Variants in RPA3 observed in about 807,000 individuals in gnomAD.
The protein encoded by RPA3 is replication protein A 14 kDa subunit.
In RPA3, 24 loss-of-function variants were observed where a neutral mutation model predicts 13.7. The observed-to-expected ratio is 1.75, with a 90% CI of 1.27 to 2.46. The LOEUF (loss-of-function observed/expected upper bound fraction) is 2.46, where lower values mean the gene tolerates loss of function less well. Ranked by LOEUF, RPA3 falls within the 30% of genes most tolerant of loss-of-function variation. RPA3 has a pLI of 0.00. For synonymous variants in RPA3, 59 were observed against 51.2 expected, an observed-to-expected ratio of 1.15 and a Z score of -0.65; for missense variants, 183 against 151.0, an observed-to-expected ratio of 1.21 and a Z score of -1.11.
At chr7:7,682,246 C>G (rs971422208) in intron 4 of RPA3, among the ~76,000 whole-genome samples, 3 of 152,150 alleles carry the variant, frequency 2.0e-5, no homozygotes, top group African/African-American at 7.2e-5. Context: ...TAATTCACAG[C>G]AGCTTGGATT....
chr7:7,679,818 G>C (rs550379582), intron 4 of RPA3, among the ~76,000 whole-genome samples: 1 of 150,688 alleles, frequency 6.6e-6, no homozygotes, highest in Non-Finnish European at 1.5e-5. Context: ...TCCTGCCTCT[G>C]CCTCCCAAAG....
intron 2 of RPA3, among the ~76,000 whole-genome samples, chr7:7,695,117 T>A (rs1318513275): frequency 6.6e-6 from 1 of 152,210 alleles, no homozygotes; most frequent in Non-Finnish European, 1.5e-5. Context: ...GTAATTATGA[T>A]TTGCTTTCTC....
At chr7:7,657,178 A>G (rs768805713) in intron 4 of RPA3, among the ~76,000 whole-genome samples, 1 of 151,990 alleles carries the variant, frequency 6.6e-6, no homozygotes, top group Non-Finnish European at 1.5e-5. Context: ...TTTCTTGTAA[A>G]TTTGTTTAAA....
intron 4 of RPA3, among the ~76,000 whole-genome samples, chr7:7,685,417 C>G (rs1037816543): frequency 6.6e-6 from 1 of 151,282 alleles, no homozygotes; most frequent in Non-Finnish European, 1.5e-5. Flanking sequence ...TCAAGCGATT[C>G]TCCTGCCTCA....
At chr7:7,643,602 C>T (rs1005486869) in intron 4 of RPA3, among the ~76,000 whole-genome samples, 19 of 152,114 alleles carry the variant, frequency 1.2e-4, no homozygotes, top group African/African-American at 3.4e-4. Context: ...GTCCCAGCTA[C>T]TCGGGAGGCT....
chr7:7,704,889 G>A lies in RPA3; in HGVS notation c.-1028+10286C>T, dbSNP rs576345251. Among the ~76,000 whole-genome samples the A allele has an allele frequency of 2.0e-5, 3 of 151,698 alleles. No homozygotes were observed. In the South Asian group the frequency reaches 6.2e-4, roughly 32 times the overall value. On this transcript the variant is annotated intron_variant, in intron 2 of 7. Transcript: ENST00000223129. ...AAAAAAAACGATGTGTTTTATTTGG[G>A]TAAAGTAAAATAGGCCTAGAAGATG... is the stretch of plus-strand genomic sequence containing the variant.
At chr7:7,693,303 C>CTATCTATG (rs139271049) in intron 2 of RPA3, among the ~76,000 whole-genome samples, 1 of 146,264 alleles carries the variant, frequency 6.8e-6, no homozygotes, top group African/African-American at 2.8e-5. Flanking sequence ...CTTTATCTAT[C>CTATCTATG]TATCTATCTA....
chr7:7,711,407 A>G (rs920738436), intron 2 of RPA3, among the ~76,000 whole-genome samples: 1 of 152,168 alleles, frequency 6.6e-6, no homozygotes. Context: ...AATCATGGCA[A>G]ATTTTTTTCC....
chr7:7,649,394 C>T (rs1785171071), intron 4 of RPA3, among the ~76,000 whole-genome samples: 1 of 152,010 alleles, frequency 6.6e-6, no homozygotes, highest in South Asian at 2.1e-4. Context: ...GCAATAATGG[C>T]ATTAATCCAT....
intron 4 of RPA3, among the ~76,000 whole-genome samples, chr7:7,667,846 C>G (rs191836980): frequency 1.2e-3 from 178 of 152,246 alleles, no homozygotes; most frequent in African/African-American, 3.9e-3. Context: ...GTTTTGGTGC[C>G]AATAGAATTT....
chr7:7,712,231 A>G (rs1480378433), intron 2 of RPA3, among the ~76,000 whole-genome samples: 1 of 152,144 alleles, frequency 6.6e-6, no homozygotes, highest in Non-Finnish European at 1.5e-5. Context: ...TAACAGATGG[A>G]TAATCACTCA....
intron 4 of RPA3, among the ~76,000 whole-genome samples, chr7:7,663,013 GC>G (rs35035941): frequency 0.66 from 100,153 of 151,796 alleles, 33,228 homozygotes; most frequent in East Asian, 0.86. Context: ...CTTTGAAAAA[GC>G]CTTTTTTGCC....
chr7:7,655,817 C>T (rs1003300219), intron 4 of RPA3, among the ~76,000 whole-genome samples: 2 of 129,506 alleles, frequency 1.5e-5, no homozygotes, highest in Admixed American at 1.5e-4. Flanking sequence ...ATATTTAGGA[C>T]AGTCTCTCTC....
chr7:7,647,516 C>T (rs1000352296), intron 4 of RPA3, among the ~76,000 whole-genome samples: 2 of 152,144 alleles, frequency 1.3e-5, no homozygotes, highest in African/African-American at 4.8e-5. Context: ...TTTTTGTCTG[C>T]TTAATATCTC....
chr7:7,709,452 A>G (rs1780692844), intron 2 of RPA3, among the ~76,000 whole-genome samples: 1 of 152,232 alleles, frequency 6.6e-6, no homozygotes. Context: ...TTGCCACCCG[A>G]GGAGGGCAGA....
intron 4 of RPA3, among the ~76,000 whole-genome samples, chr7:7,675,273 A>G (rs1349463774): frequency 2.0e-5 from 3 of 152,196 alleles, no homozygotes; most frequent in Non-Finnish European, 2.9e-5. Context: ...AGCACATAGA[A>G]TTCCTAATGC....
intron 4 of RPA3, among the ~76,000 whole-genome samples, chr7:7,658,714 A>G (rs916828627): frequency 3.9e-5 from 6 of 152,204 alleles, no homozygotes; most frequent in African/African-American, 7.2e-5. Context: ...TCAGTTTGCC[A>G]GTATCTTATT....
chr7:7,695,439 AT>A (rs28912704), intron 2 of RPA3, among the ~76,000 whole-genome samples: 17 of 152,016 alleles, frequency 1.1e-4, no homozygotes, highest in Admixed American at 2.0e-4. Flanking sequence ...TAATACGTTG[AT>A]TTTTTTTACT....
intron 4 of RPA3, among the ~76,000 whole-genome samples, chr7:7,671,358 C>T (rs1730474614): frequency 6.6e-6 from 1 of 152,170 alleles, no homozygotes; most frequent in African/African-American, 2.4e-5. Flanking sequence ...GAGACCCACA[C>T]CCTTAGTCTC....
Sources: allele counts gnomAD v4.1 joint callset (sites outside exome capture counted in the v4.1 genomes callset), GRCh38; gene constraint gnomAD v4.1.1; transcripts MANE v1.5; gene names NCBI Gene and HGNC (gene_info 2026-07-23, HGNC 2026-07-21).